Variants in TMEM178B observed in about 807,000 individuals in gnomAD.
TMEM178B encodes the protein transmembrane protein 178B.
In TMEM178B, 5 loss-of-function variants were observed where a neutral mutation model predicts 31.0. The ratio of observed to expected loss-of-function variants is 0.16; its 90% confidence interval spans 0.08 to 0.34. TMEM178B has a LOEUF of 0.34. TMEM178B is among the 10% of genes least tolerant of loss of function. The probability of loss-of-function intolerance (pLI) is 1.00; values close to 1 mark genes in which losing one functional copy is unlikely to be tolerated. For missense variants in TMEM178B, 275 were observed against 400.3 expected (o/e 0.69, Z 2.67); for synonymous variants, 164 against 164.0 (o/e 1.00, Z 0.00).
intron 2 of TMEM178B, among the ~76,000 whole-genome samples, chr7:141,337,346 C>T (rs754079237): frequency 6.9e-6 from 1 of 144,922 alleles, no homozygotes; most frequent in Non-Finnish European, 1.5e-5. Context: ...ATCACTACCA[C>T]TACCCCACTA....
intron 2 of TMEM178B, among the ~76,000 whole-genome samples, chr7:141,342,906 C>A (rs1799543784): frequency 2.0e-5 from 3 of 152,180 alleles, no homozygotes; most frequent in Non-Finnish European, 4.4e-5. Context: ...AACTTCCTGT[C>A]ATTATTTTGT....
chr7:141,497,163 G>C, the TMEM178B span, among the ~76,000 whole-genome samples: 1 of 152,150 alleles, frequency 6.6e-6, no homozygotes, highest in Admixed American at 6.5e-5. Flanking sequence ...TCCCTAATAA[G>C]ATCTGATTGT....
chr7:141,321,491 G>A (rs1312839721), intron 2 of TMEM178B, among the ~76,000 whole-genome samples: 1 of 152,180 alleles, frequency 6.6e-6, no homozygotes, highest in Admixed American at 6.5e-5. Context: ...GTAAGAGAGT[G>A]CAGTCAGGAG....
chr7:141,507,601 C>T, the TMEM178B span, among the ~76,000 whole-genome samples: 1 of 152,204 alleles, frequency 6.6e-6, no homozygotes, highest in Non-Finnish European at 1.5e-5. Flanking sequence ...TGACTCCTGA[C>T]CTCAGGTGAT....
intron 2 of TMEM178B, among the ~76,000 whole-genome samples, chr7:141,214,933 A>G (rs1797107462): frequency 6.6e-6 from 1 of 152,150 alleles, no homozygotes; most frequent in Admixed American, 6.5e-5. Flanking sequence ...TGCCTCTTTC[A>G]CAAAGCCGCC....
At chr7:141,190,507 C>G (rs1796680048) in intron 1 of TMEM178B, among the ~76,000 whole-genome samples, 1 of 151,492 alleles carries the variant, frequency 6.6e-6, no homozygotes, top group Non-Finnish European at 1.5e-5. Flanking sequence ...GATGAAGGCT[C>G]TCTATGTTGC....
intron 1 of TMEM178B, among the ~76,000 whole-genome samples, chr7:141,119,383 T>C (rs1014391356): frequency 2.6e-5 from 4 of 152,058 alleles, no homozygotes; most frequent in Non-Finnish European, 5.9e-5. Context: ...GTGGAAGATG[T>C]AGAGGGCCTG....
At chr7:141,412,363 T>C (rs1801006695) in intron 2 of TMEM178B, among the ~76,000 whole-genome samples, 1 of 152,148 alleles carries the variant, frequency 6.6e-6, no homozygotes, top group Admixed American at 6.5e-5. Context: ...ATATTCTGAT[T>C]CAACCTCATC....
At chr7:141,342,953 C>T (rs1364259049) in intron 2 of TMEM178B, among the ~76,000 whole-genome samples, 1 of 152,232 alleles carries the variant, frequency 6.6e-6, no homozygotes, top group Non-Finnish European at 1.5e-5. Context: ...CTCTTGAAAA[C>T]ATCCTGTACC....
intron 2 of TMEM178B, among the ~76,000 whole-genome samples, chr7:141,262,631 C>A (rs1312538307): frequency 6.6e-6 from 1 of 151,876 alleles, no homozygotes; most frequent in Non-Finnish European, 1.5e-5. Context: ...TCCAGGGAGA[C>A]AGCTTCTCAC....
the TMEM178B span, among the ~76,000 whole-genome samples, chr7:141,506,803 G>T: frequency 6.6e-6 from 1 of 152,084 alleles, no homozygotes; most frequent in Non-Finnish European, 1.5e-5. Flanking sequence ...AGTCCCTTCC[G>T]CCTATGAGCC....
chr7:141,228,913 C>A (rs1270651006), intron 2 of TMEM178B, among the ~76,000 whole-genome samples: 1 of 151,918 alleles, frequency 6.6e-6, no homozygotes, highest in Non-Finnish European at 1.5e-5. Context: ...GACGGGGCAC[C>A]CCTTTTAGAA....
chr7:141,079,731 A>T (rs1255571584), intron 1 of TMEM178B, among the ~76,000 whole-genome samples: 1 of 152,174 alleles, frequency 6.6e-6, no homozygotes, highest in Non-Finnish European at 1.5e-5. Flanking sequence ...GAGATTAATG[A>T]TAATTATAGC....
Position 141,114,320 on chromosome 7 carries a change from CTCTCCCTTCAGCTGCACTGTA to C in TMEM178B, c.382+39714_382+39734del, listed in dbSNP as rs1444028049. Among the ~76,000 whole-genome samples, 99 of 151,162 alleles carry C rather than the reference CTCTCCCTTCAGCTGCACTGTA, an allele frequency of 6.5e-4. 8 individuals carry two copies. Among genetic ancestry groups the C allele is most frequent in the African/African-American group, 1.8e-3 (73 of 41,024 alleles). ...TCAGCTGCACTGTATATCTGTATATCTCTCCCTTCAGCTGCACTGTATCTCCCTTCAGCTGCACTGTATCTC... is the reference window on the plus strand; with the variant it reads ...TCAGCTGCACTGTATATCTGTATATCTCTCCCTTCAGCTGCACTGTATCTC... On this transcript the variant is annotated intron_variant, in intron 1 of 3. Coordinates refer to ENST00000565468, the MANE Select transcript of TMEM178B (RefSeq NM_001195278.2).
chr7:141,462,589 C>G (rs183588259), intron 3 of TMEM178B, among the ~76,000 whole-genome samples: 17 of 151,886 alleles, frequency 1.1e-4, no homozygotes, highest in Admixed American at 9.8e-4. Context: ...GATAGCCAAG[C>G]AGGAGGAAGG....
intron 1 of TMEM178B, among the ~76,000 whole-genome samples, chr7:141,124,121 C>G (rs1795451778): frequency 2.6e-5 from 4 of 151,864 alleles, no homozygotes; most frequent in Non-Finnish European, 5.9e-5. Flanking sequence ...AATCCCAGTA[C>G]TTTGGGAGGC....
At chr7:141,261,814 A>G (rs1007504973) in intron 2 of TMEM178B, among the ~76,000 whole-genome samples, 2 of 152,164 alleles carry the variant, frequency 1.3e-5, no homozygotes, top group Non-Finnish European at 2.9e-5. Flanking sequence ...CCCTGCATGC[A>G]TCTGTCTTAT....
At chr7:141,248,037 C>CT (rs35841012) in intron 2 of TMEM178B, among the ~76,000 whole-genome samples, 103 of 148,500 alleles carry the variant, frequency 6.9e-4, no homozygotes, top group Admixed American at 1.7e-3. Context: ...TCCCCTTTCT[C>CT]TTTTTTTTTT....
intron 2 of TMEM178B, among the ~76,000 whole-genome samples, chr7:141,365,432 G>A (rs531563463): frequency 3.0e-4 from 45 of 152,226 alleles, no homozygotes; most frequent in African/African-American, 1.1e-3. Flanking sequence ...TTCATATGCC[G>A]GGTGCTTAGG....
Sources: gnomAD v4.1 joint callset for allele counts (sites outside exome capture counted in the v4.1 genomes callset) on GRCh38, gnomAD v4.1.1 for gene constraint, MANE v1.5 for transcripts, NCBI Gene and HGNC (gene_info 2026-07-23, HGNC 2026-07-21) for gene names.